Variants in EFCAB8 observed in about 807,000 individuals in gnomAD.
The protein encoded by EFCAB8 is EF-hand calcium binding domain 8.
Under a neutral mutation model 116.3 loss-of-function variants are expected in EFCAB8, and 100 were observed. The observed-to-expected ratio is 0.86, with a 90% CI of 0.73 to 1.02. The LOEUF (loss-of-function observed/expected upper bound fraction) is 1.02, where lower values mean the gene tolerates loss of function less well. EFCAB8 is among the 50% of genes least tolerant of loss of function. The pLI is 0.00. For missense variants in EFCAB8, 1,320 were observed against 1,416.9 expected (o/e 0.93, Z 1.10); for synonymous variants, 558 against 567.9 (o/e 0.98, Z 0.25).
Position 32,931,362 on chromosome 20 carries a change from C to T in EFCAB8, c.2790+26C>T, listed in dbSNP as rs536734265. 9.9e-4 allele frequency: 1,490 copies of T among 1,506,742 alleles called. 1 individual carries two copies. Among genetic ancestry groups the T allele is most frequent in the Admixed American group, 1.5e-3 (68 of 44,436 alleles). 93.3% of individuals were successfully genotyped at this position (1,506,742 alleles called of 1,614,324 possible). ...GTAGGAGGATTACTGGAGAGTTGCT[C>T]AGGAAAGTGCCTTTGAGCCCCACAA... On this transcript the variant is annotated intron_variant, in intron 22 of 26. Transcript: ENST00000400522.
At chr20:32,912,146 T>C (rs1482882025) in intron 16 of EFCAB8, among the ~76,000 whole-genome samples, 2 of 152,048 alleles carry the variant, frequency 1.3e-5, no homozygotes, top group Non-Finnish European at 2.9e-5. Flanking sequence ...ACTCAGAAAG[T>C]GTACTTAGCT....
chr20:32,937,434 G>A (rs1010402876), intron 22 of EFCAB8, among the ~76,000 whole-genome samples: 3 of 152,090 alleles, frequency 2.0e-5, no homozygotes, highest in Non-Finnish European at 4.4e-5. Flanking sequence ...AAAAATAAAA[G>A]AAAATGGACA....
At chr20:32,894,388 G>C (rs1986060769) in intron 9 of EFCAB8, among the ~76,000 whole-genome samples, 1 of 152,200 alleles carries the variant, frequency 6.6e-6, no homozygotes, top group African/African-American at 2.4e-5. Context: ...TTGGCCTCGG[G>C]TGCCTGCCCT....
intron 11 of EFCAB8, among the ~76,000 whole-genome samples, chr20:32,901,937 C>T (rs1986449260): frequency 6.6e-6 from 1 of 152,210 alleles, no homozygotes; most frequent in South Asian, 2.1e-4. Context: ...TCGCCCGCCT[C>T]GGCCTCCCAA....
In EFCAB8 at chr20:32,961,323, C is replaced by T. The variant is rs539375338; in HGVS notation, c.3581C>T (p.Ala1194Val). Residue 1194 changes from alanine to valine, a missense_variant, in exon 27 of 27, where the codon GCG (alanine) becomes GTG (valine). Transcript: ENST00000400522. ...CTGGATACCACGGACAGCACGCCTG[C>T]GGCCGCCTCCTCCCCATCTTCCTTG... is the stretch of plus-strand genomic sequence containing the variant. Reference protein sequence around the residue: ...AVLDTTDSTPAAASSPSSLLS... With the variant: ...AVLDTTDSTPVAASSPSSLLS... 134 of 1,493,436 alleles carry T rather than the reference C, an allele frequency of 9.0e-5. 2 individuals are homozygous for T. The South Asian group carries it at 1.0e-3, about 11-fold the overall frequency. The allele number at this position is 1,493,436 out of a possible 1,614,324, so 92.5% of individuals were successfully genotyped here. A position where few individuals can be genotyped will look rare whatever the true frequency, so the allele number is the denominator to read the frequency against.
At chr20:32,932,249 C>T (rs1354850580) in intron 22 of EFCAB8, among the ~76,000 whole-genome samples, 3 of 152,044 alleles carry the variant, frequency 2.0e-5, no homozygotes, top group East Asian at 1.9e-4. Flanking sequence ...TGGCGGTGCA[C>T]GCCTGTAATC....
intron 3 of EFCAB8, among the ~76,000 whole-genome samples, chr20:32,875,326 A>G (rs1984904830): frequency 1.3e-5 from 2 of 151,994 alleles, no homozygotes; most frequent in African/African-American, 4.8e-5. Context: ...GAGGGGAGAC[A>G]GGGCCAAGAG....
chr20:32,931,880 A>G (rs1987923931), intron 22 of EFCAB8, among the ~76,000 whole-genome samples: 1 of 152,264 alleles, frequency 6.6e-6, no homozygotes, highest in Non-Finnish European at 1.5e-5. Flanking sequence ...ACCAGAAGTG[A>G]ATTTACTCAC....
At chr20:32,915,108 G>T (rs1987125918) in intron 17 of EFCAB8, among the ~76,000 whole-genome samples, 1 of 152,020 alleles carries the variant, frequency 6.6e-6, no homozygotes, top group African/African-American at 2.4e-5. Flanking sequence ...TTGCTATGTT[G>T]CCCAGGCTGG....
intron 22 of EFCAB8, among the ~76,000 whole-genome samples, chr20:32,938,502 A>G (rs1187283313): frequency 6.7e-6 from 1 of 149,958 alleles, no homozygotes; most frequent in African/African-American, 2.5e-5. Context: ...GAAGAAGTTA[A>G]CTATCTCTAT....
At chr20:32,870,519 G>T (rs1032198750) in intron 3 of EFCAB8, among the ~76,000 whole-genome samples, 1 of 151,872 alleles carries the variant, frequency 6.6e-6, no homozygotes, top group Non-Finnish European at 1.5e-5. Flanking sequence ...TTTTTTTAGG[G>T]ACAGGGTCTC....
chr20:32,926,293 A>G (rs1987666114), intron 20 of EFCAB8, among the ~76,000 whole-genome samples: 3 of 152,244 alleles, frequency 2.0e-5, no homozygotes, highest in Admixed American at 1.3e-4. Context: ...TGTGCTTATG[A>G]CAAAATTTAA....
intron 5 of EFCAB8, 98 bp downstream of exon 5, chr20:32,878,905 G>T (rs923492237): frequency 1.9e-6 from 2 of 1,038,934 alleles, no homozygotes; most frequent in South Asian, 1.4e-5. Context: ...GACCTTGCTG[G>T]TGCTGACCAG....
At chr20:32,922,939 T>G (rs1459636008) in intron 20 of EFCAB8, among the ~76,000 whole-genome samples, 2 of 152,174 alleles carry the variant, frequency 1.3e-5, no homozygotes, top group African/African-American at 4.8e-5. Flanking sequence ...ATCCCAGTCC[T>G]TTAGGAGGCC....
intron 20 of EFCAB8, among the ~76,000 whole-genome samples, chr20:32,929,779 C>G (rs923380039): frequency 1.3e-5 from 2 of 152,178 alleles, no homozygotes; most frequent in Admixed American, 6.5e-5. Context: ...TCACTATGCT[C>G]TCAGCCTCCT....
chr20:32,958,370 G>A (rs1195761714), intron 23 of EFCAB8, 51 bp from the exon 24 acceptor site: 1 of 416,160 alleles, frequency 2.4e-6, no homozygotes, highest in Non-Finnish European at 4.4e-6. Context: ...CAGAGGGCAT[G>A]GAGGAGGGGG....
At chr20:32,860,930 G>A (rs1984081922) in intron 1 of EFCAB8, among the ~76,000 whole-genome samples, 1 of 152,022 alleles carries the variant, frequency 6.6e-6, no homozygotes, top group Non-Finnish European at 1.5e-5. Context: ...TGTACAGATG[G>A]GGTTTCACCA....
At position 32,867,644 on chromosome 20, in the gene EFCAB8, C is replaced by T. The variant is rs1339814896; in HGVS notation, c.105C>T (p.Thr35=). ...CTAGCTCCCCAACACCATCCATCAC[C>T]CTTAGCCAGGTGCCTGACCTCCAGC... ...EAASSPTPSI[T]LSQVPDLQPG... is the part of the protein sequence containing the mutation. Residue 35 remains threonine, a synonymous_variant, in exon 3 of 27, where the codon ACC becomes ACT. Transcript: ENST00000400522. 5 of 1,551,662 alleles carry T rather than the reference C, an allele frequency of 3.2e-6. No individual in the cohort carries two copies. The highest frequency in any genetic ancestry group is 4.4e-6 in the Non-Finnish European group (5 of 1,146,984).
rs942607711 is a variant in EFCAB8, at chr20:32,908,413, G to A, written c.1446+1G>A. ...TACCCTCATCTGCAGCACCTACTCA[G>A]TGAGTGCTGTCCCAGGAGGGAGTGG... On this transcript the variant is annotated splice_donor_variant, in intron 14 of 26. Transcript: ENST00000400522. LOFTEE classifies it high-confidence loss of function. The A allele has an allele frequency of 6.4e-6, 8 of 1,249,986 alleles. No homozygotes were observed. The highest frequency in any genetic ancestry group is 3.1e-5 in the African/African-American group (2 of 64,634). The allele number at this position is 1,249,986 out of a possible 1,614,324, so 77.4% of individuals were successfully genotyped here. A position where few individuals can be genotyped will look rare whatever the true frequency, so the allele number is the denominator to read the frequency against.
Sources: allele counts gnomAD v4.1 joint callset (sites outside exome capture counted in the v4.1 genomes callset), GRCh38; gene constraint gnomAD v4.1.1; transcripts MANE v1.5; gene names NCBI Gene and HGNC (gene_info 2026-07-23, HGNC 2026-07-21).